NDST3: variants seen among roughly 807,000 people sequenced by gnomAD.
NDST3 encodes N-deacetylase and N-sulfotransferase 3, also known as bifunctional heparan sulfate N-deacetylase/N-sulfotransferase 3.
A neutral mutation model predicts 96.1 loss-of-function variants in NDST3; 58 were observed. That is an observed-to-expected ratio of 0.60 (90% CI 0.49 to 0.75). The LOEUF is 0.75. Among genes scored for constraint, NDST3 ranks in the 30% least tolerant of loss-of-function variants. The pLI is 0.00. For missense variants in NDST3, 788 were observed against 1,034.2 expected (o/e 0.76, Z 3.27); for synonymous variants, 333 against 359.7 (o/e 0.93, Z 0.84).
chr4:118,091,499 G>C (rs1728861046), intron 2 of NDST3, among the ~76,000 whole-genome samples: 1 of 151,772 alleles, frequency 6.6e-6, no homozygotes, highest in Admixed American at 6.6e-5. Context: ...GCAACAGTTT[G>C]AGAAATTGAG....
chr4:118,211,603 C>T (rs1032598991), intron 6 of NDST3, among the ~76,000 whole-genome samples: 1 of 152,154 alleles, frequency 6.6e-6, no homozygotes, highest in Admixed American at 6.6e-5. Flanking sequence ...GTTTTCATCG[C>T]ATTAGGGGCT....
rs563384725 is a variant in NDST3, at chr4:118,132,941, A to G, written c.1225-5113A>G. Among the ~76,000 whole-genome samples the G allele has an allele frequency of 2.0e-4, 31 of 152,250 alleles. 2 individuals are homozygous for G. The South Asian group carries it at 6.4e-3, about 32-fold the overall frequency. ...GCTGAGCCGGTATCCAAGATGCAAG[A>G]CAACGTCCTCTTTACTCTTTGCTCT... On this transcript the variant is annotated intron_variant, in intron 4 of 13. Coordinates refer to ENST00000296499, the MANE Select transcript of NDST3 (RefSeq NM_004784.3).
chr4:118,170,791 G>A (rs974468815), intron 6 of NDST3, among the ~76,000 whole-genome samples: 16 of 152,100 alleles, frequency 1.1e-4, no homozygotes, highest in African/African-American at 3.9e-4. Flanking sequence ...ATAGGTAAAG[G>A]TTACACAGAT....
intron 2 of NDST3, among the ~76,000 whole-genome samples, chr4:118,059,410 T>A (rs1725714764): frequency 6.6e-6 from 1 of 152,132 alleles, no homozygotes; most frequent in African/African-American, 2.4e-5. Context: ...TACAATGTCA[T>A]GAGTGGCTAT....
At chr4:118,157,293 AT>A (rs1734773894) in intron 6 of NDST3, among the ~76,000 whole-genome samples, 1 of 151,928 alleles carries the variant, frequency 6.6e-6, no homozygotes, top group South Asian at 2.1e-4. Flanking sequence ...ATTAATAGAA[AT>A]TTTAAAAATT....
intron 6 of NDST3, among the ~76,000 whole-genome samples, chr4:118,208,166 C>G (rs1394589673): frequency 1.4e-5 from 2 of 143,466 alleles, no homozygotes; most frequent in African/African-American, 5.2e-5. Flanking sequence ...AATAATACAC[C>G]AAATGTGAAT....
intron 2 of NDST3, among the ~76,000 whole-genome samples, chr4:118,092,439 G>C (rs7655519): frequency 0.75 from 114,141 of 151,570 alleles, 45,615 homozygotes; most frequent in South Asian, 0.92. Context: ...AAATCTTTGT[G>C]AGATAGCAGG....
At chr4:118,207,523 C>T (rs1214282086) in intron 6 of NDST3, among the ~76,000 whole-genome samples, 1 of 145,064 alleles carries the variant, frequency 6.9e-6, no homozygotes, top group African/African-American at 2.5e-5. Context: ...TTTATTGTTT[C>T]ACCCAAAGTC....
intron 2 of NDST3, among the ~76,000 whole-genome samples, chr4:118,079,442 T>C (rs1023009907): frequency 3.9e-5 from 6 of 152,024 alleles, no homozygotes; most frequent in African/African-American, 1.4e-4. Context: ...TAAACACAAA[T>C]ACATAAGGTA....
At chr4:118,227,010 G>T in intron 8 of NDST3, 28 bp downstream of exon 8, 2 of 1,485,532 alleles carry the variant, frequency 1.3e-6, no homozygotes, top group Non-Finnish European at 1.9e-6. Flanking sequence ...TATGATTAAC[G>T]AGTGTAAATT....
At chr4:118,251,069 A>G (rs1205594018) in intron 12 of NDST3, among the ~76,000 whole-genome samples, 2 of 146,720 alleles carry the variant, frequency 1.4e-5, no homozygotes, top group Non-Finnish European at 3.0e-5. Context: ...CAGAATTTTT[A>G]TAATTTTAGC....
intron 6 of NDST3, among the ~76,000 whole-genome samples, chr4:118,222,357 G>C (rs1245380345): frequency 6.6e-6 from 1 of 151,560 alleles, no homozygotes; most frequent in Non-Finnish European, 1.5e-5. Flanking sequence ...TTCAGCAAAA[G>C]ATATGCAATA....
intron 2 of NDST3, among the ~76,000 whole-genome samples, chr4:118,074,546 T>G (rs1282101055): frequency 1.3e-5 from 2 of 152,162 alleles, no homozygotes; most frequent in Admixed American, 6.6e-5. Context: ...CTGTTTTGTC[T>G]GAAAGAAGGA....
chr4:118,097,546 C>T (rs116193560), intron 2 of NDST3, among the ~76,000 whole-genome samples: 8,157 of 151,988 alleles, frequency 0.054, 307 homozygotes, highest in Middle Eastern at 0.082. Flanking sequence ...GTTGCCTTTG[C>T]TCAGAATGAT....
chr4:118,037,706 A>G (rs1724228314), intron 1 of NDST3, among the ~76,000 whole-genome samples: 1 of 152,214 alleles, frequency 6.6e-6, no homozygotes, highest in African/African-American at 2.4e-5. Flanking sequence ...CCACAGGACA[A>G]TTAAATGTGG....
At position 118,183,506 on chromosome 4, in the gene NDST3, A is replaced by G. The variant is rs566530830; in HGVS notation, c.1539+39822A>G. Among the ~76,000 whole-genome samples, 9 of 152,256 alleles carry G rather than the reference A, an allele frequency of 5.9e-5. No individual in the cohort carries two copies. The South Asian group carries it at 1.9e-3, about 32-fold the overall frequency. On this transcript the variant is annotated intron_variant, in intron 6 of 13. Transcript: ENST00000296499. ...TAAGCTATCTAGGGCCCCACCATGA[A>G]TCATCTCACTAGTATAAGCTATCTG...
At chr4:118,077,727 G>C (rs987680464) in intron 2 of NDST3, among the ~76,000 whole-genome samples, 1 of 152,168 alleles carries the variant, frequency 6.6e-6, no homozygotes. Context: ...CTTCCTGCTT[G>C]GGCACCACCC....
intron 6 of NDST3, among the ~76,000 whole-genome samples, chr4:118,221,621 C>G (rs1739551092): frequency 1.3e-5 from 2 of 152,018 alleles, no homozygotes; most frequent in African/African-American, 2.4e-5. Flanking sequence ...ACACTTTTCT[C>G]TTAGTTACAC....
In NDST3 at chr4:118,224,673, G is replaced by A; in HGVS notation, c.1722G>A (p.Gln574=). The A allele has an allele frequency of 6.4e-7, 1 of 1,569,788 alleles. No homozygotes were observed. Among genetic ancestry groups the A allele is most frequent in the Non-Finnish European group, 8.6e-7 (1 of 1,157,680 alleles). ...LFPDQKDPLW[Q]NPCDDKRHRD... Reference sequence around the variant, plus strand: ...CTGATCAGAAAGACCCTCTCTGGCAGGTAAAATTAATTAAATAATTGATAT... The same window carrying A: ...CTGATCAGAAAGACCCTCTCTGGCAAGTAAAATTAATTAAATAATTGATAT... Residue 574 remains glutamine (Q), a splice_region_variant and synonymous_variant, in exon 7 of 14, where the codon CAG becomes CAA. Transcript: ENST00000296499.
Sources: gnomAD v4.1 joint callset for allele counts (sites outside exome capture counted in the v4.1 genomes callset) on GRCh38, gnomAD v4.1.1 for gene constraint, MANE v1.5 for transcripts, NCBI Gene and HGNC (gene_info 2026-07-23, HGNC 2026-07-21) for gene names.